Variants in SP6 observed in about 807,000 individuals in gnomAD.
SP6 encodes Sp6 transcription factor, also known as transcription factor Sp6.
A neutral mutation model predicts 23.4 loss-of-function variants in SP6; 10 were observed. The ratio of observed to expected loss-of-function variants is 0.43; its 90% confidence interval spans 0.26 to 0.72. SP6 has a LOEUF of 0.72. Ranked by LOEUF, SP6 falls within the 30% of genes least tolerant of loss-of-function variation. The probability of loss-of-function intolerance (pLI) is 0.23; values close to 1 mark genes in which losing one functional copy is unlikely to be tolerated. For synonymous variants in SP6, 238 were observed against 238.7 expected (o/e 1.00, Z 0.03); for missense variants, 482 against 523.8 (o/e 0.92, Z 0.78).
the SP6 span, among the ~76,000 whole-genome samples, chr17:47,873,893 TTCC>T: frequency 2.9e-5 from 4 of 136,304 alleles, no homozygotes; most frequent in South Asian, 2.5e-4. Context: ...CCTCTTCTTC[TTCC>T]TCCTCCGCCT....
the SP6 span, among the ~76,000 whole-genome samples, chr17:47,866,549 T>G: frequency 6.6e-6 from 1 of 152,062 alleles, no homozygotes; most frequent in African/African-American, 2.4e-5. Flanking sequence ...GGAAACCTAG[T>G]TTTAAGCCAG....
the SP6 span, among the ~76,000 whole-genome samples, chr17:47,867,084 C>A: frequency 6.6e-6 from 1 of 152,206 alleles, no homozygotes; most frequent in Non-Finnish European, 1.5e-5. Flanking sequence ...ACACCCATCG[C>A]TGACGTACTT....
At chr17:47,851,351 C>T (rs2033954902), upstream of SP6, among the ~76,000 whole-genome samples, 1 of 152,216 alleles carries the variant, frequency 6.6e-6, no homozygotes, top group Non-Finnish European at 1.5e-5. Flanking sequence ...CTCGCTCCTC[C>T]CTGGTCCCCT....
At chr17:47,866,730 C>T in the SP6 span, among the ~76,000 whole-genome samples, 7 of 152,148 alleles carry the variant, frequency 4.6e-5, no homozygotes, top group Non-Finnish European at 1.0e-4. Flanking sequence ...ACCCGCTGAT[C>T]GGCACTCTGG....
At chr17:47,858,767 CTTTTTT>C (rs36092685), upstream of SP6, among the ~76,000 whole-genome samples, 331 of 92,626 alleles carry the variant, frequency 3.6e-3, 1 homozygote, top group African/African-American at 0.014. Context: ...GATGAAGCAT[CTTTTTT>C]TTTTTTTTTT....
Position 47,847,495 on chromosome 17 carries a change from T to C in SP6, c.935A>G (p.Lys312Arg), listed in dbSNP as rs759138202. The C allele has an allele frequency of 1.2e-6, 2 of 1,613,792 alleles. No individual in the cohort carries two copies. The highest frequency in any genetic ancestry group is 2.2e-5 in the South Asian group (2 of 91,086). ...GCTGCAGACTGCACAGGGGAACTTC[T>C]TGGTGCCGGTGTGGGTCTGGAGGTG... Reference protein sequence around the residue: ...QRHLQTHTGTKKFPCAVCSRV... With the variant: ...QRHLQTHTGTRKFPCAVCSRV... The change falls in exon 2 of 2, where the codon AAG becomes AGG. Residue 312 changes from lysine to arginine, a missense_variant. By Grantham distance (26) the Lys-to-Arg change is conservative. Transcript: ENST00000536300.
chr17:47,850,584 C>A (rs1268406494), intron 1 of SP6, among the ~76,000 whole-genome samples: 1 of 152,240 alleles, frequency 6.6e-6, no homozygotes, highest in East Asian at 1.9e-4. Flanking sequence ...GCGTACATCG[C>A]AGGCTTCTCG....
the SP6 span, among the ~76,000 whole-genome samples, chr17:47,861,756 C>G: frequency 6.6e-6 from 1 of 151,824 alleles, no homozygotes; most frequent in Non-Finnish European, 1.5e-5. Context: ...AAAAACAAAA[C>G]CTGAGGCAGC....
chr17:47,876,015 C>T, the SP6 span, among the ~76,000 whole-genome samples: 1 of 152,196 alleles, frequency 6.6e-6, no homozygotes, highest in African/African-American at 2.4e-5. Flanking sequence ...GAGCTCCCCA[C>T]TAACCTGCCC....
the SP6 span, among the ~76,000 whole-genome samples, chr17:47,866,492 C>T: frequency 2.6e-5 from 4 of 152,142 alleles, no homozygotes; most frequent in Admixed American, 6.5e-5. Context: ...CCAGAGATGA[C>T]GCAGGCAAAT....
At chr17:47,850,017 C>T (rs956813277) in intron 1 of SP6, among the ~76,000 whole-genome samples, 9 of 152,296 alleles carry the variant, frequency 5.9e-5, no homozygotes, top group South Asian at 2.1e-4. Context: ...GGGGCACCTA[C>T]TCAGGCTCCG....
Position 47,848,535 on chromosome 17 carries a change from T to G in SP6, c.-57-49A>C. On this transcript the variant is annotated intron_variant, in intron 1 of 1. Transcript: ENST00000536300. This position sits in a 1 kb window ranked among gnomAD's most constrained non-coding sequence, Gnocchi z 5.3. ...AAGTAAGGGAAATAACCAGCTCACT[T>G]TCCCTCCTAACCCAGGTCCTCCTCT... 1 of 1,107,350 alleles carries G rather than the reference T, an allele frequency of 9.0e-7. No individual in the cohort carries two copies. The highest frequency in any genetic ancestry group is 1.3e-6 in the Non-Finnish European group (1 of 791,618). The allele number at this position is 1,107,350 out of a possible 1,614,324, so 68.6% of individuals were successfully genotyped here.
chr17:47,855,078 C>G (rs897361935), upstream of SP6, among the ~76,000 whole-genome samples: 3 of 152,184 alleles, frequency 2.0e-5, no homozygotes, highest in African/African-American at 7.2e-5. Flanking sequence ...CTACTTAAGG[C>G]CAAGCACAAT....
At chr17:47,852,238 A>C (rs1194671723), upstream of SP6, among the ~76,000 whole-genome samples, 5 of 151,976 alleles carry the variant, frequency 3.3e-5, no homozygotes, top group Admixed American at 3.3e-4. Flanking sequence ...TTCTGGTAAA[A>C]TTTCAGCGCG....
At chr17:47,865,859 G>A in the SP6 span, among the ~76,000 whole-genome samples, 2 of 151,998 alleles carry the variant, frequency 1.3e-5, no homozygotes, top group Admixed American at 1.3e-4. Flanking sequence ...CCTGGTCTTC[G>A]CTTTGAAAAA....
chr17:47,876,020 C>A, the SP6 span, among the ~76,000 whole-genome samples: 1 of 152,176 alleles, frequency 6.6e-6, no homozygotes, highest in Non-Finnish European at 1.5e-5. Flanking sequence ...CCCCACTAAC[C>A]TGCCCTGTTG....
At chr17:47,864,874 G>A in the SP6 span, 1 of 152,630 alleles carries the variant, frequency 6.6e-6, no homozygotes, top group African/African-American at 2.4e-5. Flanking sequence ...TAAGGCTTCA[G>A]GCATGGCAGA....
chr17:47,871,500 G>A, the SP6 span, among the ~76,000 whole-genome samples: 4 of 151,988 alleles, frequency 2.6e-5, no homozygotes, highest in South Asian at 2.1e-4. Context: ...GTCTTCTTTC[G>A]TCTCCACTTA....
the SP6 span, among the ~76,000 whole-genome samples, chr17:47,866,103 C>G: frequency 6.6e-6 from 1 of 152,186 alleles, no homozygotes; most frequent in Non-Finnish European, 1.5e-5. Flanking sequence ...AAGCTCTGGT[C>G]TCATGGCTTT....
Sources: gnomAD v4.1 joint callset for allele counts (sites outside exome capture counted in the v4.1 genomes callset) on GRCh38, gnomAD v4.1.1 for gene constraint, Gnocchi (gnomAD v3.1) non-coding constraint, MANE v1.5 for transcripts, NCBI Gene and HGNC (gene_info 2026-07-23, HGNC 2026-07-21) for gene names.